The following OCA2 variants were observed in gnomAD, a reference collection of about 807,000 sequenced individuals.
OCA2 encodes the protein OCA2 melanosomal transmembrane protein.
OCA2 carries 77 observed loss-of-function variants against 100.2 expected under a neutral mutation model. The ratio of observed to expected loss-of-function variants is 0.77; its 90% CI spans 0.64 to 0.93. The LOEUF (loss-of-function observed/expected upper bound fraction) is 0.93, where lower values mean the gene tolerates loss of function less well. OCA2 is among the 40% of genes least tolerant of loss of function. OCA2 has a pLI of 0.00. For missense variants in OCA2, 1,062 were observed against 1,089.1 expected, an observed-to-expected ratio of 0.98 and a Z score of 0.35; for synonymous variants, 432 against 439.2, an observed-to-expected ratio of 0.98 and a Z score of 0.21.
Position 27,953,132 on chromosome 15 carries a change from A to G in OCA2, c.1843-1240T>C, listed in dbSNP as rs145571946. Among the ~76,000 whole-genome samples the G allele has an allele frequency of 1.9e-3, 285 of 152,348 alleles. 4 individuals carry two copies. The highest frequency in any genetic ancestry group is 6.4e-3 in the African/African-American group (268 of 41,592). On this transcript the variant is annotated intron_variant, in intron 17 of 23. Transcript: ENST00000354638. ...ATGCAGGTGGATCTCGATATCTACC[A>G]TCATAGTGATCTATAGCTATCTGGA... is the stretch of plus-strand genomic sequence containing the variant.
In OCA2 at chr15:28,026,839, C is replaced by T. The variant is rs967135598; in HGVS notation, c.515+1032G>A. ...AGACTGGTCCCCACACACAGAGACA[C>T]GGTGACGCTAATATTTGATGACTAA... On this transcript the variant is annotated intron_variant, in intron 4 of 23. Coordinates refer to ENST00000354638, the MANE Select transcript of OCA2 (RefSeq NM_000275.3). Among the ~76,000 whole-genome samples the T allele has an allele frequency of 3.3e-5, 5 of 152,292 alleles. No individual in the cohort carries two copies. In the South Asian group the frequency reaches 6.2e-4, roughly 19 times the overall value.
chr15:27,973,246 A>C (rs1422838196), intron 14 of OCA2, among the ~76,000 whole-genome samples: 2 of 151,986 alleles, frequency 1.3e-5, no homozygotes, highest in African/African-American at 2.4e-5. Context: ...CTTTGTCCTA[A>C]ATTCTTTGCC....
chr15:27,788,246 C>T (rs909184213), intron 23 of OCA2, among the ~76,000 whole-genome samples: 24 of 151,216 alleles, frequency 1.6e-4, no homozygotes, highest in Admixed American at 3.3e-4. Flanking sequence ...CAAGTAATTG[C>T]GAGTATTACT....
At chr15:27,764,855 T>C (rs1296632862) in intron 23 of OCA2, among the ~76,000 whole-genome samples, 1 of 152,138 alleles carries the variant, frequency 6.6e-6, no homozygotes, top group Non-Finnish European at 1.5e-5. Flanking sequence ...AAAGCAAGTG[T>C]ATTAAGAAAG....
intron 22 of OCA2, among the ~76,000 whole-genome samples, chr15:27,850,162 C>T (rs2035694222): frequency 6.6e-6 from 1 of 152,188 alleles, no homozygotes; most frequent in South Asian, 2.1e-4. Flanking sequence ...CTCACGAGGC[C>T]TGTCACTCTG....
intron 23 of OCA2, among the ~76,000 whole-genome samples, chr15:27,783,131 G>A (rs1046839910): frequency 2.6e-5 from 4 of 152,186 alleles, no homozygotes; most frequent in Non-Finnish European, 5.9e-5. Flanking sequence ...AGAAGACATT[G>A]TTCAAACTGC....
At chr15:27,805,546 G>T (rs2033801731) in intron 23 of OCA2, among the ~76,000 whole-genome samples, 2 of 152,188 alleles carry the variant, frequency 1.3e-5, no homozygotes, top group Admixed American at 1.3e-4. Context: ...GGAGCCGCTC[G>T]CCCAGGATGT....
At chr15:28,091,607 C>T (rs1006857856) in intron 1 of OCA2, among the ~76,000 whole-genome samples, 1 of 152,122 alleles carries the variant, frequency 6.6e-6, no homozygotes, top group Non-Finnish European at 1.5e-5. Context: ...CATATGTCCA[C>T]ACAAAAATGT....
Position 27,957,576 on chromosome 15 carries a change from C to A in OCA2, c.1784+12G>T, listed in dbSNP as rs1028411475. The A allele has an allele frequency of 6.2e-7, 1 of 1,611,960 alleles. No homozygotes were observed. Among genetic ancestry groups the A allele is most frequent in the Non-Finnish European group, 8.5e-7 (1 of 1,179,816 alleles). ...ACACCAAGCACAGTCTGAGCAGGAC[C>A]CCGCCCGGTACCTGTGGAAGGTGTG... is the stretch of plus-strand genomic sequence containing the variant. On this transcript the variant is annotated intron_variant, in intron 16 of 23. Coordinates refer to ENST00000354638, the MANE Select transcript of OCA2 (RefSeq NM_000275.3). The surrounding 1 kb of genome is among the most constrained non-coding windows in gnomAD (Gnocchi z 4.3).
At chr15:27,765,451 A>T (rs1289544546) in intron 23 of OCA2, among the ~76,000 whole-genome samples, 1 of 152,212 alleles carries the variant, frequency 6.6e-6, no homozygotes, top group African/African-American at 2.4e-5. Context: ...TTAGCAAGAG[A>T]CAAGACAAAT....
chr15:27,850,190 C>G (rs773687779), intron 22 of OCA2, among the ~76,000 whole-genome samples: 10 of 152,194 alleles, frequency 6.6e-5, no homozygotes, highest in Non-Finnish European at 1.3e-4. Flanking sequence ...TGGCTTCACA[C>G]TTCCCTGTCT....
chr15:27,743,574 A>G, the OCA2 span, among the ~76,000 whole-genome samples: 4 of 152,058 alleles, frequency 2.6e-5, no homozygotes, highest in Non-Finnish European at 5.9e-5. Flanking sequence ...TGTCCATATC[A>G]CAGATGGTCT....
chr15:28,029,059 G>A (rs1364866219), intron 3 of OCA2, among the ~76,000 whole-genome samples: 1 of 152,126 alleles, frequency 6.6e-6, no homozygotes, highest in African/African-American at 2.4e-5. Context: ...TTAAAAGTTT[G>A]TACCAAAAGC....
chr15:28,028,115 A>T (rs1566816926), intron 3 of OCA2, 56 bp from the exon 4 acceptor site: 1 of 1,595,816 alleles, frequency 6.3e-7, no homozygotes, highest in Non-Finnish European at 8.6e-7. Flanking sequence ...GCTACAAAGC[A>T]AGCTTTCCTC....
At chr15:27,898,051 C>T (rs1385500885) in intron 19 of OCA2, among the ~76,000 whole-genome samples, 3 of 152,180 alleles carry the variant, frequency 2.0e-5, no homozygotes, top group Non-Finnish European at 4.4e-5. Context: ...TTACCAAATG[C>T]TTGTACCCCC....
At chr15:27,738,473 T>C in the OCA2 span, among the ~76,000 whole-genome samples, 129,607 of 152,110 alleles carry the variant, frequency 0.85, 55,375 homozygotes, top group Non-Finnish European at 0.88. Flanking sequence ...CGGTGGCTCA[T>C]GCCTGTAATC....
At chr15:28,015,783 A>G (rs2042372170) in intron 8 of OCA2, among the ~76,000 whole-genome samples, 1 of 152,230 alleles carries the variant, frequency 6.6e-6, no homozygotes. Context: ...ATGAAGCAGC[A>G]TTAGTTAAGG....
At chr15:27,868,395 C>T (rs2036409575) in intron 21 of OCA2, among the ~76,000 whole-genome samples, 1 of 152,078 alleles carries the variant, frequency 6.6e-6, no homozygotes, top group Non-Finnish European at 1.5e-5. Context: ...CTTAAAAGAG[C>T]AGAAAATCCT....
At chr15:28,081,967 G>A (rs916759777) in intron 1 of OCA2, 72 bp from the exon 2 acceptor site, 74 of 1,245,170 alleles carry the variant, frequency 5.9e-5, no homozygotes, top group African/African-American at 1.0e-4. Context: ...TTGGGAGTCC[G>A]TACAATAGGA....
Sources: gnomAD v4.1 joint callset for allele counts (sites outside exome capture counted in the v4.1 genomes callset) on GRCh38, gnomAD v4.1.1 for gene constraint, Gnocchi (gnomAD v3.1) non-coding constraint, MANE v1.5 for transcripts, NCBI Gene and HGNC (gene_info 2026-07-23, HGNC 2026-07-21) for gene names.